INPP5D: variants seen among roughly 807,000 people sequenced by gnomAD.
The protein encoded by INPP5D is phosphatidylinositol 3,4,5-trisphosphate 5-phosphatase 1.
INPP5D carries 33 observed loss-of-function variants against 122.9 expected under a neutral mutation model. The ratio of observed to expected loss-of-function variants is 0.27; its 90% CI spans 0.20 to 0.36. The LOEUF is 0.36. INPP5D is among the 10% of genes least tolerant of loss of function. The pLI is 1.00. For synonymous variants in INPP5D, 584 were observed against 576.2 expected (o/e 1.01, Z -0.19); for missense variants, 1,053 against 1,412.7 (o/e 0.75, Z 4.08).
intron 2 of INPP5D, among the ~76,000 whole-genome samples, chr2:233,099,965 A>G (rs922589936): frequency 2.0e-5 from 3 of 152,236 alleles, no homozygotes; most frequent in Non-Finnish European, 4.4e-5. Flanking sequence ...GAGCTTGTGC[A>G]GTCAAACTCC....
chr2:233,118,727 C>A (rs1292071246), intron 2 of INPP5D, among the ~76,000 whole-genome samples: 3 of 152,226 alleles, frequency 2.0e-5, no homozygotes, highest in South Asian at 4.1e-4. Context: ...TTCCTGTAGA[C>A]CTGCTGTGTT....
At chr2:233,176,458 T>C in intron 17 of INPP5D, among the ~76,000 whole-genome samples, 1 of 143,612 alleles carries the variant, frequency 7.0e-6, no homozygotes. Flanking sequence ...GGTGGATAGG[T>C]GGATGGATGG....
In INPP5D at chr2:233,124,580, C is replaced by T. The variant is rs1489488326; in HGVS notation, c.350-1165C>T. ...ACCTGTCCCATTGTGAGCCCAAGGT[C>T]ACTCACCAGCACCGCGCCCTGGCTG... is the stretch of plus-strand genomic sequence containing the variant. On this transcript the variant is annotated intron_variant, in intron 3 of 26. Coordinates refer to ENST00000445964, the MANE Select transcript of INPP5D (RefSeq NM_001017915.3). Among the ~76,000 whole-genome samples, 5 of 152,228 alleles carry T rather than the reference C, an allele frequency of 3.3e-5. No homozygotes were observed. The East Asian group carries it at 9.6e-4, about 29-fold the overall frequency.
rs977200254 is a variant in INPP5D at position 233,077,680 on chromosome 2, A to C, written c.135-1655A>C. Among the ~76,000 whole-genome samples the C allele has an allele frequency of 5.4e-4, 81 of 150,534 alleles. No individual in the cohort carries two copies. The East Asian group carries it at 5.4e-3, about 10-fold the overall frequency. On this transcript the variant is annotated intron_variant, in intron 1 of 26. Coordinates refer to ENST00000445964, the MANE Select transcript of INPP5D (RefSeq NM_001017915.3). The stretch of plus-strand genomic sequence containing the variant: ...CTGTCTCAAAAAAAAAAAAAAAAAA[A>C]AAAAAACTCTCTCTACTAAAAATAC...
chr2:233,162,765 C>T (rs901502577), intron 11 of INPP5D, among the ~76,000 whole-genome samples: 3 of 152,200 alleles, frequency 2.0e-5, no homozygotes, highest in Non-Finnish European at 4.4e-5. Context: ...GACAGCTTGT[C>T]ACTCGTGTCC....
intron 25 of INPP5D, among the ~76,000 whole-genome samples, chr2:233,202,577 G>C (rs907323539): frequency 6.6e-6 from 1 of 152,296 alleles, no homozygotes; most frequent in East Asian, 1.9e-4. Context: ...TTGAGTGCCT[G>C]TGAGCAGCTT....
chr2:233,086,173 C>CTTTCTTTCTTTA (rs1691839564), intron 2 of INPP5D, among the ~76,000 whole-genome samples: 2 of 145,406 alleles, frequency 1.4e-5, no homozygotes, highest in African/African-American at 5.2e-5. Context: ...TTCTTTCTTT[C>CTTTCTTTCTTTA]TTTCTTTCTT....
At chr2:233,111,633 T>C (rs1459628142) in intron 2 of INPP5D, among the ~76,000 whole-genome samples, 1 of 152,244 alleles carries the variant, frequency 6.6e-6, no homozygotes, top group East Asian at 1.9e-4. Context: ...AGCAATGCTG[T>C]GTCCTCTGTG....
chr2:233,083,633 G>A (rs1475856721), intron 2 of INPP5D, among the ~76,000 whole-genome samples: 3 of 152,188 alleles, frequency 2.0e-5, no homozygotes, highest in Non-Finnish European at 1.5e-5. Flanking sequence ...GAGAAGCGGT[G>A]CCTATCTTGA....
At position 233,183,590 on chromosome 2, in the gene INPP5D, TCTC is replaced by T. The variant is rs1297240837; in HGVS notation, c.2162-811_2162-809del. ...AGCCTTGAAGGGGTTGCCCTTGCCA[TCTC>T]CTCCTCTATTCCGGGGTAGGGCATC... On this transcript the variant is annotated intron_variant, in intron 19 of 26. Coordinates refer to ENST00000445964, the MANE Select transcript of INPP5D (RefSeq NM_001017915.3). This position sits in a 1 kb window ranked among gnomAD's most constrained non-coding sequence, Gnocchi z 4.6. Among the ~76,000 whole-genome samples, 1 of 152,176 alleles carries T rather than the reference TCTC, an allele frequency of 6.6e-6. No individual in the cohort carries two copies. The highest frequency in any genetic ancestry group is 1.5e-5 in the Non-Finnish European group (1 of 68,016).
intron 3 of INPP5D, 120 bp from the exon 4 acceptor site, chr2:233,125,625 C>T (rs1055905605): frequency 4.1e-5 from 36 of 870,084 alleles, no homozygotes; most frequent in Middle Eastern, 2.6e-4. Context: ...GCGAGGGACA[C>T]GGGGACGCAG....
chr2:233,067,016 G>T (rs970779470), intron 1 of INPP5D, among the ~76,000 whole-genome samples: 5 of 152,216 alleles, frequency 3.3e-5, no homozygotes. Flanking sequence ...GACCTCAGGT[G>T]ATCTGCCCGC....
intron 25 of INPP5D, among the ~76,000 whole-genome samples, chr2:233,201,953 T>C (rs901401684): frequency 1.3e-5 from 2 of 152,192 alleles, no homozygotes; most frequent in African/African-American, 4.8e-5. Context: ...AGACTTACTT[T>C]TGAGTTTTTC....
intron 10 of INPP5D, among the ~76,000 whole-genome samples, chr2:233,159,693 CA>C (rs548439384): frequency 1.1e-4 from 10 of 92,002 alleles, no homozygotes; most frequent in East Asian, 3.3e-4. Flanking sequence ...GATCCTGTCT[CA>C]AAAAAAAAAA....
Position 233,183,438 on chromosome 2 carries a change from C to G in INPP5D, c.2161+939C>G, listed in dbSNP as rs545739548. On this transcript the variant is annotated intron_variant, in intron 19 of 26. Transcript: ENST00000445964. The surrounding 1 kb of genome is among the most constrained non-coding windows in gnomAD (Gnocchi z 4.6). The stretch of plus-strand genomic sequence containing the variant: ...AGAAATGTGACCTCCCTCCTCCACC[C>G]AAGCCTTGACCCACCATCGTGTCTC... Among the ~76,000 whole-genome samples the G allele has an allele frequency of 1.9e-4, 29 of 152,304 alleles. 1 individual carries two copies. In the South Asian group the frequency reaches 3.5e-3, roughly 18 times the overall value.
At chr2:233,074,624 T>A (rs1292312552) in intron 1 of INPP5D, among the ~76,000 whole-genome samples, 2 of 151,520 alleles carry the variant, frequency 1.3e-5, no homozygotes, top group African/African-American at 4.8e-5. Flanking sequence ...TTTTTTGTGT[T>A]TTTTTTTTGA....
At chr2:233,163,996 G>C (rs1694260120) in intron 12 of INPP5D, 93 bp downstream of exon 12, 1 of 1,493,358 alleles carries the variant, frequency 6.7e-7, no homozygotes, top group Non-Finnish European at 8.9e-7. Context: ...CAGCCTATCA[G>C]CTCTCAGTTT....
intron 2 of INPP5D, among the ~76,000 whole-genome samples, chr2:233,114,171 G>A (rs192585663): frequency 4.6e-5 from 7 of 152,272 alleles, no homozygotes; most frequent in Admixed American, 1.3e-4. Flanking sequence ...GCCTCCCAAA[G>A]GGCTGGGATT....
rs1035836664 is a variant in INPP5D at position 233,170,392 on chromosome 2, C to T, written c.1792-104C>T. 2 of 1,540,358 alleles carry T rather than the reference C, an allele frequency of 1.3e-6. No individual in the cohort carries two copies. The highest frequency in any genetic ancestry group is 2.7e-5 in the African/African-American group (2 of 73,396). On this transcript the variant is annotated intron_variant, in intron 15 of 26. Transcript: ENST00000445964. This position sits in a 1 kb window ranked among gnomAD's most constrained non-coding sequence, Gnocchi z 4.5. ...TGTCACAGCCACCCTGCCACCATCA[C>T]TCTGCAGCCCGGGTCATCCAGCTGC... is the stretch of plus-strand genomic sequence containing the variant.
Sources: gnomAD v4.1 joint callset for allele counts (sites outside exome capture counted in the v4.1 genomes callset) on GRCh38, gnomAD v4.1.1 for gene constraint, Gnocchi (gnomAD v3.1) non-coding constraint, MANE v1.5 for transcripts, NCBI Gene and HGNC (gene_info 2026-07-23, HGNC 2026-07-21) for gene names.